CERT1: variants seen among roughly 807,000 people sequenced by gnomAD.
CERT1 encodes the protein ceramide transporter 1.
Under a neutral mutation model 87.9 loss-of-function variants are expected in CERT1, and 31 were observed. The observed-to-expected ratio is 0.35, with a 90% confidence interval of 0.27 to 0.48. The LOEUF is 0.48. Among genes scored for constraint, CERT1 ranks in the 20% least tolerant of loss-of-function variants. CERT1 has a pLI of 0.99. For missense variants in CERT1, 487 were observed against 758.0 expected (o/e 0.64, Z 4.20); for synonymous variants, 289 against 250.9 (o/e 1.15, Z -1.44).
intron 14 of CERT1, among the ~76,000 whole-genome samples, chr5:75,382,462 C>G (rs1162967760): frequency 2.6e-5 from 4 of 152,008 alleles, no homozygotes; most frequent in Admixed American, 6.6e-5. Flanking sequence ...TTCCTCTCTC[C>G]TCATACTCCA....
chr5:75,399,572 G>C (rs996242147), intron 10 of CERT1, among the ~76,000 whole-genome samples, 185 bp from the exon 11 acceptor site: 11 of 152,144 alleles, frequency 7.2e-5, no homozygotes, highest in African/African-American at 2.7e-4. Flanking sequence ...TTCCAAAAAA[G>C]AATGTAGTGC....
upstream of CERT1, chr5:75,511,675 C>T: frequency 1.3e-6 from 2 of 1,522,918 alleles, no homozygotes; most frequent in East Asian, 2.5e-5. Context: ...TCCTCCCATT[C>T]TCCCCCACTA....
intron 17 of CERT1, chr5:75,369,282 T>C (rs1441359900): frequency 6.6e-6 from 1 of 152,158 alleles, no homozygotes; most frequent in African/African-American, 2.4e-5. Context: ...AGCCCCATGG[T>C]AAGTTGGAGT....
At chr5:75,376,834 A>G (rs1256885983), downstream of CERT1, 3 of 152,226 alleles carry the variant, frequency 2.0e-5, no homozygotes, top group Non-Finnish European at 4.4e-5. Flanking sequence ...ATTAGTTAGT[A>G]TCGGACAATA....
At chr5:75,510,237 G>A (rs948646112) in intron 1 of CERT1, among the ~76,000 whole-genome samples, 12 of 151,914 alleles carry the variant, frequency 7.9e-5, no homozygotes, top group Non-Finnish European at 1.5e-4. Context: ...AAGTTTAACA[G>A]GAAGGGAGAG....
chr5:75,425,221 C>A, intron 5 of CERT1, 140 bp downstream of exon 5: 2 of 708,866 alleles, frequency 2.8e-6, no homozygotes, highest in Non-Finnish European at 4.6e-6. Flanking sequence ...TACAAGGACA[C>A]TGAAATCTGT....
At chr5:75,471,172 TCTGAGAAATATG>T in intron 2 of CERT1, among the ~76,000 whole-genome samples, 1 of 152,176 alleles carries the variant, frequency 6.6e-6, no homozygotes, top group Non-Finnish European at 1.5e-5. Context: ...GGGGATGTGT[TCTGAGAAATATG>T]CTTTTTGGTG....
At chr5:75,396,114 CAAG>C (rs1423413601) in intron 11 of CERT1, among the ~76,000 whole-genome samples, 1 of 152,050 alleles carries the variant, frequency 6.6e-6, no homozygotes, top group African/African-American at 2.4e-5. Flanking sequence ...AACATCATTT[CAAG>C]AAGAACAAGG....
chr5:75,483,219 A>G (rs1212952587), intron 2 of CERT1, among the ~76,000 whole-genome samples: 3 of 152,246 alleles, frequency 2.0e-5, no homozygotes, highest in South Asian at 2.1e-4. Context: ...GAAATTCTAG[A>G]GCTGAAAAAT....
At chr5:75,510,853 C>A (rs534192376) in intron 1 of CERT1, among the ~76,000 whole-genome samples, 2 of 152,290 alleles carry the variant, frequency 1.3e-5, no homozygotes, top group Admixed American at 1.3e-4. Flanking sequence ...AGTCCCAAGT[C>A]ACGGCGCGCA....
intron 3 of CERT1, among the ~76,000 whole-genome samples, chr5:75,454,834 C>T (rs147177482): frequency 4.9e-4 from 74 of 152,244 alleles, no homozygotes; most frequent in African/African-American, 1.6e-3. Context: ...TTAAAAATCG[C>T]AAGTTTTGAA....
chr5:75,459,310 T>G, intron 2 of CERT1, 129 bp from the exon 3 acceptor site: 1 of 603,284 alleles, frequency 1.7e-6, no homozygotes, highest in East Asian at 2.8e-5. Flanking sequence ...ATTTTTCTGC[T>G]CAAATAACTT....
At chr5:75,511,789 A>C (rs771400628), upstream of CERT1, 28 of 1,551,432 alleles carry the variant, frequency 1.8e-5, no homozygotes, top group Middle Eastern at 2.2e-3. Context: ...GACGGGTAGA[A>C]AAGCAGGAGG....
chr5:75,373,151 C>G (rs1223909540), downstream of CERT1: 1 of 152,222 alleles, frequency 6.6e-6, no homozygotes, highest in African/African-American at 2.4e-5. Flanking sequence ...AGGCATTGCT[C>G]ACATTTTCTA....
At chr5:75,409,702 T>G (rs1762850446) in intron 8 of CERT1, among the ~76,000 whole-genome samples, 1 of 152,022 alleles carries the variant, frequency 6.6e-6, no homozygotes, top group African/African-American at 2.4e-5. Context: ...AATTTTTGCA[T>G]TTTTTTAGTA....
chr5:75,447,856 G>T, intron 3 of CERT1, among the ~76,000 whole-genome samples: 1 of 151,702 alleles, frequency 6.6e-6, no homozygotes, highest in South Asian at 2.1e-4. Flanking sequence ...GCTCACTGTA[G>T]CCTCAAACTC....
intron 3 of CERT1, among the ~76,000 whole-genome samples, chr5:75,448,391 G>A (rs1311426661): frequency 6.6e-6 from 1 of 152,128 alleles, no homozygotes; most frequent in African/African-American, 2.4e-5. Flanking sequence ...ATTTTAACCT[G>A]CGGGATACTA....
chr5:75,459,898 G>A (rs1037613317), intron 2 of CERT1, among the ~76,000 whole-genome samples: 1 of 144,280 alleles, frequency 6.9e-6, no homozygotes. Flanking sequence ...GGAGGCCGAG[G>A]TTTCAGTGAG....
chr5:75,473,662 A>T (rs1030910974), intron 2 of CERT1, among the ~76,000 whole-genome samples: 1 of 152,184 alleles, frequency 6.6e-6, no homozygotes, highest in Non-Finnish European at 1.5e-5. Context: ...GATAAATTGT[A>T]CAACGTGGTG....
Sources: allele counts gnomAD v4.1 joint callset (sites outside exome capture counted in the v4.1 genomes callset), GRCh38; gene constraint gnomAD v4.1.1; transcripts MANE v1.5; gene names NCBI Gene and HGNC (gene_info 2026-07-23, HGNC 2026-07-21).